HPS5: variants seen among roughly 807,000 people sequenced by gnomAD.
HPS5 encodes BLOC-2 complex member HPS5.
A neutral mutation model predicts 128.0 loss-of-function variants in HPS5; 83 were observed. That is an observed-to-expected ratio of 0.65 (90% CI 0.54 to 0.78). HPS5 has a LOEUF of 0.78. Ranked by LOEUF, HPS5 falls within the 30% of genes least tolerant of loss-of-function variation. The pLI, the probability that HPS5 is intolerant of heterozygous loss-of-function variation, is 0.00. For missense variants in HPS5, 1,281 were observed against 1,326.2 expected (o/e 0.97, Z 0.53); for synonymous variants, 475 against 470.2 (o/e 1.01, Z -0.13).
chr11:18,303,180 A>G (rs1861935347), intron 8 of HPS5, among the ~76,000 whole-genome samples: 1 of 152,222 alleles, frequency 6.6e-6, no homozygotes, highest in Non-Finnish European at 1.5e-5. Context: ...ATAAACAAAC[A>G]GGAATGAAAA....
chr11:18,305,513 G>A lies in HPS5; in HGVS notation c.825-20C>T. 1 of 1,514,820 alleles carries A rather than the reference G, an allele frequency of 6.6e-7. No individual in the cohort carries two copies. The highest frequency in any genetic ancestry group is 9.2e-7 in the Non-Finnish European group (1 of 1,090,494). The allele number at this position is 1,514,820 out of a possible 1,614,324, so 93.8% of individuals were successfully genotyped here. ...TCTGATCTAGAAAGTAAACACATCT[G>A]TTAATGAGTTTATCTGTTAAAAGTA... On this transcript the variant is annotated intron_variant, in intron 7 of 22. Coordinates refer to ENST00000349215, the MANE Select transcript of HPS5 (RefSeq NM_181507.2).
intron 8 of HPS5, 112 bp downstream of exon 8, chr11:18,305,310 A>T (rs141123481): frequency 1.4e-6 from 1 of 709,870 alleles, no homozygotes; most frequent in East Asian, 2.7e-5. Context: ...CTAACTTTCT[A>T]TAAGTAATTT....
chr11:18,283,687 C>T, intron 21 of HPS5, 108 bp downstream of exon 21: 1 of 770,418 alleles, frequency 1.3e-6, no homozygotes, highest in Non-Finnish European at 2.3e-6. Flanking sequence ...AGTGGAATCA[C>T]ATATTAAATA....
At chr11:18,305,846 C>T (rs1862292286) in intron 7 of HPS5, among the ~76,000 whole-genome samples, 1 of 151,904 alleles carries the variant, frequency 6.6e-6, no homozygotes, top group Admixed American at 6.6e-5. Context: ...TCTCCTGCCT[C>T]AGCCTCCCGA....
chr11:18,313,021 T>C (rs1484442330), intron 2 of HPS5, among the ~76,000 whole-genome samples: 1 of 152,220 alleles, frequency 6.6e-6, no homozygotes, highest in Non-Finnish European at 1.5e-5. Flanking sequence ...TGTCTATCAC[T>C]TCCTATTTTC....
At chr11:18,303,119 A>C (rs914676499) in intron 8 of HPS5, among the ~76,000 whole-genome samples, 2 of 152,192 alleles carry the variant, frequency 1.3e-5, no homozygotes, top group African/African-American at 4.8e-5. Context: ...TCTGGGATTT[A>C]TGGGTTGCAA....
chr11:18,310,114 G>T (rs1862801575), intron 5 of HPS5, among the ~76,000 whole-genome samples: 1 of 152,200 alleles, frequency 6.6e-6, no homozygotes, highest in African/African-American at 2.4e-5. Context: ...CTGATGTAAT[G>T]GTCGTGGAGG....
intron 16 of HPS5, among the ~76,000 whole-genome samples, chr11:18,288,911 G>A (rs988749284): frequency 2.0e-5 from 3 of 151,722 alleles, no homozygotes; most frequent in African/African-American, 4.8e-5. Flanking sequence ...GTCTTGAAAC[G>A]TTGTCTAGGC....
In HPS5 at chr11:18,302,831, G is replaced by GA. The variant is rs1554940157; in HGVS notation, c.897-1916_897-1915insT. Among the ~76,000 whole-genome samples, 14 of 26,904 alleles carry GA rather than the reference G, an allele frequency of 5.2e-4. 2 individuals are homozygous for GA. The highest frequency in any genetic ancestry group is 1.9e-3 in the South Asian group (1 of 540). The allele number at this position is 26,904 out of a possible 152,430, so 17.7% of individuals were successfully genotyped here. On this transcript the variant is annotated intron_variant, in intron 8 of 22. Transcript: ENST00000349215. ...CAAAGGAGAAAAAAAGCGGGGGGGG[G>GA]GGGGGTGTCAGAGGATCCCTGAGAA...
chr11:18,289,924 G>A (rs1860191065), intron 16 of HPS5, among the ~76,000 whole-genome samples: 1 of 152,170 alleles, frequency 6.6e-6, no homozygotes, highest in South Asian at 2.1e-4. Context: ...AGATACTGCG[G>A]GCTATGCACC....
At chr11:18,300,326 C>A (rs917728212) in intron 9 of HPS5, among the ~76,000 whole-genome samples, 2 of 152,064 alleles carry the variant, frequency 1.3e-5, no homozygotes, top group African/African-American at 4.8e-5. Context: ...TAGCTGAATG[C>A]AAATTCACTA....
chr11:18,304,113 T>A (rs1185697943), intron 8 of HPS5, among the ~76,000 whole-genome samples: 1 of 152,166 alleles, frequency 6.6e-6, no homozygotes, highest in Non-Finnish European at 1.5e-5. Context: ...GAAGAGTTTT[T>A]AATATGCTTT....
chr11:18,311,958 T>C lies in HPS5; in HGVS notation c.175A>G (p.Ile59Val). 1 of 1,613,914 alleles carries C rather than the reference T, an allele frequency of 6.2e-7. No homozygotes were observed. Among genetic ancestry groups the C allele is most frequent in the African/African-American group, 1.3e-5 (1 of 75,062 alleles). Residue 59 changes from isoleucine to valine, a missense_variant, in exon 3 of 23, where the codon ATT becomes GTT. Ile to Val is a conservative substitution (Grantham distance 29). Transcript: ENST00000349215. Reference sequence around the variant, plus strand: ...CTGTGCTTCCAGCCTTCTTTCTGAATGAGATGGAGTCCTCCTCCTGAACTG... The same window carrying C: ...CTGTGCTTCCAGCCTTCTTTCTGAACGAGATGGAGTCCTCCTCCTGAACTG... ...LGSSGGGLHL[I>V]QKEGWKHRLF...
At chr11:18,287,727 C>A in intron 17 of HPS5, 37 bp from the exon 18 acceptor site, 1 of 1,611,388 alleles carries the variant, frequency 6.2e-7, no homozygotes, top group East Asian at 2.2e-5. Context: ...TCTCTAATTT[C>A]AGTGAAATTA....
intron 1 of HPS5, among the ~76,000 whole-genome samples, chr11:18,319,440 G>C (rs1652205945): frequency 1.3e-5 from 2 of 152,114 alleles, no homozygotes; most frequent in South Asian, 4.1e-4. Flanking sequence ...AAAAGGGAAA[G>C]GGTAGCAGGT....
At chr11:18,319,287 ACACACAC>A (rs1864019350) in intron 1 of HPS5, among the ~76,000 whole-genome samples, 1 of 134,860 alleles carries the variant, frequency 7.4e-6, no homozygotes, top group Non-Finnish European at 1.6e-5. Context: ...ACACACACAC[ACACACAC>A]ATCTTATAAG....
At chr11:18,320,052 T>C (rs1407589640) in intron 1 of HPS5, among the ~76,000 whole-genome samples, 1 of 152,066 alleles carries the variant, frequency 6.6e-6, no homozygotes, top group African/African-American at 2.4e-5. Context: ...CTGGAAGTTA[T>C]AATATAATGC....
chr11:18,290,265 T>G (rs372762433), intron 16 of HPS5, among the ~76,000 whole-genome samples: 6 of 152,232 alleles, frequency 3.9e-5, no homozygotes, highest in African/African-American at 1.4e-4. Flanking sequence ...GGAATACCTG[T>G]CCTGGACTGT....
At chr11:18,306,472 A>G (rs1862384228) in intron 6 of HPS5, 125 bp from the exon 7 acceptor site, 1 of 655,276 alleles carries the variant, frequency 1.5e-6, no homozygotes, top group Non-Finnish European at 2.7e-6. Flanking sequence ...TCATATTAGC[A>G]ATATACTGAA....
Sources: allele counts gnomAD v4.1 joint callset (sites outside exome capture counted in the v4.1 genomes callset), GRCh38; gene constraint gnomAD v4.1.1; transcripts MANE v1.5; gene names NCBI Gene and HGNC (gene_info 2026-07-23, HGNC 2026-07-21).